Variants in SHISA6 observed in about 807,000 individuals in gnomAD.
SHISA6 encodes the protein protein shisa-6.
Under a neutral mutation model 47.9 loss-of-function variants are expected in SHISA6, and 22 were observed. The observed-to-expected ratio is 0.46, with a 90% CI of 0.33 to 0.66. SHISA6 has a LOEUF of 0.66. SHISA6 is among the 30% of genes least tolerant of loss of function. The pLI, the probability that SHISA6 is intolerant of heterozygous loss-of-function variation, is 0.02. For missense variants in SHISA6, 680 were observed against 764.6 expected (o/e 0.89, Z 1.30); for synonymous variants, 388 against 337.8 (o/e 1.15, Z -1.63).
At chr17:11,274,606 C>A (rs1402493810) in intron 2 of SHISA6, among the ~76,000 whole-genome samples, 1 of 152,106 alleles carries the variant, frequency 6.6e-6, no homozygotes, top group Non-Finnish European at 1.5e-5. Context: ...CCGTTGCCTA[C>A]AGAGTAAAGG....
At chr17:11,272,182 A>C (rs1028090638) in intron 2 of SHISA6, among the ~76,000 whole-genome samples, 1 of 152,038 alleles carries the variant, frequency 6.6e-6, no homozygotes, top group African/African-American at 2.4e-5. Context: ...TTCCATGGAC[A>C]CCAAAGCTCT....
chr17:11,342,663 C>T (rs965961543), intron 2 of SHISA6, among the ~76,000 whole-genome samples: 2 of 152,176 alleles, frequency 1.3e-5, no homozygotes, highest in Non-Finnish European at 2.9e-5. Flanking sequence ...AAACAACCAA[C>T]CCCTCCTTTT....
chr17:11,473,848 A>G (rs1217068197), intron 3 of SHISA6, among the ~76,000 whole-genome samples: 1 of 151,924 alleles, frequency 6.6e-6, no homozygotes, highest in Non-Finnish European at 1.5e-5. Context: ...CTATCAACCC[A>G]TCATCTAGGT....
intron 2 of SHISA6, among the ~76,000 whole-genome samples, chr17:11,356,715 A>G (rs947897953): frequency 6.6e-6 from 1 of 152,004 alleles, no homozygotes; most frequent in African/African-American, 2.4e-5. Context: ...TCCCCTCTAT[A>G]ACCAGGGGCC....
intron 3 of SHISA6, among the ~76,000 whole-genome samples, chr17:11,498,252 C>T (rs2071424281): frequency 6.6e-6 from 1 of 152,148 alleles, no homozygotes; most frequent in African/African-American, 2.4e-5. Flanking sequence ...GTATCTTGCA[C>T]CTTCCCTGAG....
intron 2 of SHISA6, among the ~76,000 whole-genome samples, chr17:11,303,559 C>T (rs189803471): frequency 3.9e-5 from 6 of 152,132 alleles, no homozygotes; most frequent in Admixed American, 1.3e-4. Context: ...GTGATCTTCT[C>T]TGATGCTGCC....
chr17:11,372,256 T>G (rs1349601419), intron 2 of SHISA6, among the ~76,000 whole-genome samples: 7 of 152,190 alleles, frequency 4.6e-5, no homozygotes, highest in Non-Finnish European at 1.0e-4. Flanking sequence ...TGAGATATTA[T>G]GGAAAATTTT....
At chr17:11,325,453 A>T (rs918571102) in intron 2 of SHISA6, among the ~76,000 whole-genome samples, 1 of 152,228 alleles carries the variant, frequency 6.6e-6, no homozygotes, top group Non-Finnish European at 1.5e-5. Context: ...CTCCATCTGG[A>T]ATTCCAGCCC....
At chr17:11,264,832 A>G (rs969417822) in intron 2 of SHISA6, among the ~76,000 whole-genome samples, 6 of 152,324 alleles carry the variant, frequency 3.9e-5, no homozygotes, top group South Asian at 2.1e-4. Context: ...GCATTCTTAA[A>G]TCTTTTGAGA....
At chr17:11,491,121 C>T (rs1395353065) in intron 3 of SHISA6, among the ~76,000 whole-genome samples, 1 of 152,178 alleles carries the variant, frequency 6.6e-6, no homozygotes, top group Non-Finnish European at 1.5e-5. Context: ...TAGAAGAAGT[C>T]TGGACTAGGG....
chr17:11,391,419 A>G (rs1000356104), intron 3 of SHISA6, among the ~76,000 whole-genome samples: 2 of 152,162 alleles, frequency 1.3e-5, no homozygotes, highest in African/African-American at 4.8e-5. Flanking sequence ...ATTAATGACC[A>G]CTGCCCATGC....
intron 3 of SHISA6, among the ~76,000 whole-genome samples, chr17:11,532,245 T>C (rs562631378): frequency 6.6e-6 from 1 of 152,302 alleles, no homozygotes; most frequent in South Asian, 2.1e-4. Context: ...GGATCTTCCC[T>C]AGGGGACAGC....
At chr17:11,486,801 G>C (rs1916359303) in intron 3 of SHISA6, among the ~76,000 whole-genome samples, 1 of 152,200 alleles carries the variant, frequency 6.6e-6, no homozygotes, top group Non-Finnish European at 1.5e-5. Context: ...TTTCCCAAGA[G>C]ACTAGCTATC....
chr17:11,325,902 G>A (rs115378131), intron 2 of SHISA6, among the ~76,000 whole-genome samples: 1 of 152,230 alleles, frequency 6.6e-6, no homozygotes, highest in Admixed American at 6.5e-5. Context: ...GGGGACAGCC[G>A]ATGTCTAATA....
At chr17:11,300,511 G>GTTT (rs1360321832) in intron 2 of SHISA6, among the ~76,000 whole-genome samples, 9 of 152,140 alleles carry the variant, frequency 5.9e-5, no homozygotes, top group Non-Finnish European at 1.0e-4. Context: ...GAAGCCTGTG[G>GTTT]GCCATTTTCA....
chr17:11,274,733 A>G (rs774996146), intron 2 of SHISA6, among the ~76,000 whole-genome samples: 1 of 152,224 alleles, frequency 6.6e-6, no homozygotes, highest in Non-Finnish European at 1.5e-5. Flanking sequence ...GATTAGACAC[A>G]GTCCTGGCCT....
chr17:11,524,370 G>C (rs9900389), intron 3 of SHISA6, among the ~76,000 whole-genome samples: 3 of 151,996 alleles, frequency 2.0e-5, no homozygotes, highest in Non-Finnish European at 4.4e-5. Context: ...TCCCAGAAGA[G>C]GTAGATTGAA....
intron 3 of SHISA6, among the ~76,000 whole-genome samples, chr17:11,514,274 T>C (rs895971686): frequency 6.6e-6 from 1 of 152,210 alleles, no homozygotes; most frequent in African/African-American, 2.4e-5. Flanking sequence ...TTTAAATTTT[T>C]GTTTTGTTTT....
At chr17:11,529,987 T>C (rs1195804316) in intron 3 of SHISA6, among the ~76,000 whole-genome samples, 3 of 152,132 alleles carry the variant, frequency 2.0e-5, no homozygotes, top group Non-Finnish European at 4.4e-5. Context: ...TATACGTTTC[T>C]AGTTGGCAGT....
Sources: gnomAD v4.1 joint callset for allele counts (sites outside exome capture counted in the v4.1 genomes callset) on GRCh38, gnomAD v4.1.1 for gene constraint, MANE v1.5 for transcripts, NCBI Gene and HGNC (gene_info 2026-07-23, HGNC 2026-07-21) for gene names.